The following EEF1E1 variants were observed in gnomAD, a reference collection of about 807,000 sequenced individuals.
EEF1E1 encodes eukaryotic translation elongation factor 1 epsilon 1.
EEF1E1 carries 19 observed loss-of-function variants against 19.9 expected under a neutral mutation model. The ratio of observed to expected loss-of-function variants is 0.95; its 90% CI spans 0.66 to 1.40. The LOEUF (loss-of-function observed/expected upper bound fraction) is 1.40, where lower values mean the gene tolerates loss of function less well. EEF1E1 is among the 40% of genes most tolerant of loss of function. The probability of loss-of-function intolerance (pLI) is 0.00; values close to 1 mark genes in which losing one functional copy is unlikely to be tolerated. For missense variants in EEF1E1, 198 were observed against 202.2 expected (o/e 0.98, Z 0.13); for synonymous variants, 81 against 80.0 (o/e 1.01, Z -0.07).
At chr6:8,078,645 T>C (rs1053046714), downstream of EEF1E1, 17 of 1,244,426 alleles carry the variant, frequency 1.4e-5, no homozygotes, top group African/African-American at 2.4e-4. Context: ...CCCACACACC[T>C]GGCCTGTGAA....
At chr6:8,076,574 C>T (rs1416048922), downstream of EEF1E1, among the ~76,000 whole-genome samples, 2 of 151,994 alleles carry the variant, frequency 1.3e-5, no homozygotes, top group African/African-American at 4.8e-5. Flanking sequence ...CTGCCCGCCT[C>T]GGCCTCCCAA....
At chr6:8,101,904 C>T (rs1269688833) in intron 1 of EEF1E1, 1 of 1,244,988 alleles carries the variant, frequency 8.0e-7, no homozygotes, top group Non-Finnish European at 1.1e-6. Flanking sequence ...TGCAACGTGG[C>T]ACTCTTCCAA....
At chr6:8,102,315 G>T in intron 1 of EEF1E1, 120 bp downstream of exon 1, 1 of 1,073,828 alleles carries the variant, frequency 9.3e-7, no homozygotes, top group Non-Finnish European at 1.3e-6. Flanking sequence ...AGACACGTGG[G>T]GAGCTGGGTA....
rs371883366 is a variant in EEF1E1 at position 8,090,142 on chromosome 6, C to G, written c.384+44G>C. 2.2e-5 allele frequency: 32 copies of G among 1,432,854 alleles called. No homozygotes were observed. In the African/African-American group the frequency reaches 2.5e-4, roughly 11 times the overall value. 88.8% of individuals were successfully genotyped at this position (1,432,854 alleles called of 1,614,324 possible). A position where few individuals can be genotyped will look rare whatever the true frequency, so the allele number is the denominator to read the frequency against. ...TCAAGACAAAGTTTTAAAAATCATT[C>G]TCAACACTACAGAAAAAAAGCCAGT... On this transcript the variant is annotated intron_variant, in intron 3 of 3. Coordinates refer to ENST00000379715, the MANE Select transcript of EEF1E1 (RefSeq NM_004280.5).
chr6:8,101,236 AAAAAAAAATATATATAT>A (rs1267378499), intron 1 of EEF1E1, among the ~76,000 whole-genome samples: 21 of 71,260 alleles, frequency 2.9e-4, no homozygotes, highest in African/African-American at 1.3e-3. Flanking sequence ...AAAAAAAAAA[AAAAAAAAATATATATAT>A]ATATATATAT....
chr6:8,075,690 G>T (rs1757574352), downstream of EEF1E1, among the ~76,000 whole-genome samples: 1 of 152,132 alleles, frequency 6.6e-6, no homozygotes, highest in Non-Finnish European at 1.5e-5. Flanking sequence ...TGGAGGTTGG[G>T]GTGGCTGTGT....
Position 8,090,291 on chromosome 6 carries a change from A to G in EEF1E1, c.289-10T>C. 5.5e-6 allele frequency: 8 copies of G among 1,451,978 alleles called. No homozygotes were observed. Among genetic ancestry groups the G allele is most frequent in the Non-Finnish European group, 7.3e-6 (8 of 1,100,250 alleles). The allele number at this position is 1,451,978 out of a possible 1,614,324, so 89.9% of individuals were successfully genotyped here. On this transcript the variant is annotated splice_polypyrimidine_tract_variant and intron_variant, in intron 2 of 3. Coordinates refer to ENST00000379715, the MANE Select transcript of EEF1E1 (RefSeq NM_004280.5). Reference sequence around the variant, plus strand: ...GATATGAATTAAGATCCTAGAAAAAAGAAAAAACAAATAAATATTAATGTA... The same window carrying G: ...GATATGAATTAAGATCCTAGAAAAAGGAAAAAACAAATAAATATTAATGTA...
Position 8,097,392 on chromosome 6 carries a change from C to T in EEF1E1, c.163G>A (p.Ala55Thr). ...TTIAAHLVKQ[A>T]NKEYLLGSTA... Reference sequence around the variant, plus strand: ...CTCCCCAGCAAATATTCTTTGTTGGCTTGCTTGACTAGATGAGCTGCTATA... The same window carrying T: ...CTCCCCAGCAAATATTCTTTGTTGGTTTGCTTGACTAGATGAGCTGCTATA... Residue 55 changes from alanine to threonine, a missense_variant, in exon 2 of 4, where the codon GCC (alanine) becomes ACC (threonine). Transcript: ENST00000379715. 1 of 1,614,096 alleles carries T rather than the reference C, an allele frequency of 6.2e-7. No individual in the cohort carries two copies. Among genetic ancestry groups the T allele is most frequent in the Non-Finnish European group, 8.5e-7 (1 of 1,180,010 alleles).
downstream of EEF1E1, chr6:8,079,363 C>T: frequency 1.0e-6 from 1 of 979,132 alleles, no homozygotes; most frequent in Non-Finnish European, 1.2e-6. Flanking sequence ...CCAATGAGTA[C>T]TGACTACAGA....
intron 3 of EEF1E1, among the ~76,000 whole-genome samples, chr6:8,088,257 G>A (rs1453443624): frequency 1.3e-5 from 2 of 151,664 alleles, no homozygotes; most frequent in African/African-American, 2.4e-5. Flanking sequence ...AAGATTGAAG[G>A]AAAAAAAAGG....
At chr6:8,100,453 G>C (rs1383334662) in intron 1 of EEF1E1, among the ~76,000 whole-genome samples, 1 of 152,186 alleles carries the variant, frequency 6.6e-6, no homozygotes, top group Non-Finnish European at 1.5e-5. Context: ...AAAGCAAAAA[G>C]AGAAGGGCGA....
intron 1 of EEF1E1, among the ~76,000 whole-genome samples, chr6:8,099,791 C>CACACACACACAAAAAA (rs768224090): frequency 3.5e-5 from 4 of 114,688 alleles, no homozygotes; most frequent in South Asian, 3.0e-4. Context: ...CACACACACA[C>CACACACACACAAAAAA]AAAAAAAAAA....
chr6:8,073,522 G>T (rs1014980517), intron 3 of EEF1E1: 11 of 1,551,336 alleles, frequency 7.1e-6, no homozygotes, highest in Non-Finnish European at 7.8e-6. Context: ...TGCAAAAGGG[G>T]ATAAAAAAGG....
intron 3 of EEF1E1, among the ~76,000 whole-genome samples, chr6:8,083,685 C>T (rs1757776716): frequency 6.6e-6 from 1 of 152,196 alleles, no homozygotes; most frequent in South Asian, 2.1e-4. Context: ...TCTGATGACT[C>T]GAAGGTTCCT....
chr6:8,099,791 C>CACAAAA lies in EEF1E1; in HGVS notation c.88-2325_88-2324insTTTTGT, dbSNP rs768224090. Among the ~76,000 whole-genome samples the CACAAAA allele has an allele frequency of 9.2e-3, 1,053 of 114,432 alleles. 11 individuals are homozygous for CACAAAA. The highest frequency in any genetic ancestry group is 0.014 in the Middle Eastern group (3 of 214). The allele number at this position is 114,432 out of a possible 152,430, so 75.1% of individuals were successfully genotyped here. Reference sequence around the variant, plus strand: ...ACACACACACACACACACACACACACAAAAAAAAAACAGAACCCTCTATAA... The same window carrying CACAAAA: ...ACACACACACACACACACACACACACACAAAAAAAAAAAAAACAGAACCCTCTATAA... On this transcript the variant is annotated intron_variant, in intron 1 of 3. Coordinates refer to ENST00000379715, the MANE Select transcript of EEF1E1 (RefSeq NM_004280.5).
chr6:8,079,376 G>C (rs1035114710), downstream of EEF1E1: 1 of 986,882 alleles, frequency 1.0e-6, no homozygotes, highest in African/African-American at 1.7e-5. Context: ...ACTACAGAAA[G>C]AAAGAAACAA....
chr6:8,073,527 A>C, intron 3 of EEF1E1: 1 of 1,551,584 alleles, frequency 6.4e-7, no homozygotes, highest in Non-Finnish European at 8.7e-7. Context: ...AAGGGGATAA[A>C]AAAGGAGTTA....
chr6:8,087,045 C>T (rs779055709), intron 3 of EEF1E1, among the ~76,000 whole-genome samples: 13 of 151,962 alleles, frequency 8.6e-5, no homozygotes, highest in African/African-American at 2.2e-4. Context: ...GAGTGGGAAC[C>T]GAGAGATACT....
At chr6:8,102,003 C>T (rs1034368230) in intron 1 of EEF1E1, 1 of 1,233,294 alleles carries the variant, frequency 8.1e-7, no homozygotes. Context: ...CATTGTATTC[C>T]CCAGACCCAG....
Sources: gnomAD v4.1 joint callset for allele counts (sites outside exome capture counted in the v4.1 genomes callset) on GRCh38, gnomAD v4.1.1 for gene constraint, MANE v1.5 for transcripts, NCBI Gene and HGNC (gene_info 2026-07-23, HGNC 2026-07-21) for gene names.